The following COL23A1 variants were observed in gnomAD, a reference collection of about 807,000 sequenced individuals.
COL23A1 encodes the protein collagen alpha-1(XXIII) chain.
COL23A1 carries 97 observed loss-of-function variants against 99.3 expected under a neutral mutation model. That is an observed-to-expected ratio of 0.98 (90% CI 0.83 to 1.16). The LOEUF (loss-of-function observed/expected upper bound fraction) is 1.16, where lower values mean the gene tolerates loss of function less well. Among genes scored for constraint, COL23A1 ranks in the 50% most tolerant of loss-of-function variants. The probability of loss-of-function intolerance (pLI) is 0.00; values close to 1 mark genes in which losing one functional copy is unlikely to be tolerated. For synonymous variants in COL23A1, 320 were observed against 308.2 expected (o/e 1.04, Z -0.40); for missense variants, 762 against 757.4 (o/e 1.01, Z -0.07).
At chr5:178,249,961 C>G in intron 18 of COL23A1, 100 bp downstream of exon 18, 3 of 1,437,440 alleles carry the variant, frequency 2.1e-6, no homozygotes, top group Non-Finnish European at 9.7e-7. Flanking sequence ...TGGTGTTTCT[C>G]TAACTCTGTG....
At chr5:178,550,197 G>A (rs901886257) in intron 2 of COL23A1, among the ~76,000 whole-genome samples, 1 of 152,092 alleles carries the variant, frequency 6.6e-6, no homozygotes, top group African/African-American at 2.4e-5. Context: ...CTTAGTTTTT[G>A]CCCAAATATG....
intron 9 of COL23A1, among the ~76,000 whole-genome samples, chr5:178,262,537 G>A (rs943449254): frequency 6.6e-6 from 1 of 152,136 alleles, no homozygotes; most frequent in Non-Finnish European, 1.5e-5. Context: ...GGGGGACCCT[G>A]GTGGCAGTCT....
intron 2 of COL23A1, among the ~76,000 whole-genome samples, chr5:178,331,775 A>C (rs1011684785): frequency 6.6e-6 from 1 of 152,232 alleles, no homozygotes; most frequent in Non-Finnish European, 1.5e-5. Context: ...CCAGTCTCCT[A>C]GCTGGCACAG....
intron 2 of COL23A1, among the ~76,000 whole-genome samples, chr5:178,450,213 C>T (rs532045586): frequency 4.3e-4 from 65 of 152,292 alleles, no homozygotes; most frequent in Non-Finnish European, 5.1e-4. Flanking sequence ...AGTGTCGTTT[C>T]CAGGTGCTAA....
At chr5:178,477,355 C>T (rs934344364) in intron 2 of COL23A1, among the ~76,000 whole-genome samples, 1 of 152,178 alleles carries the variant, frequency 6.6e-6, no homozygotes, top group African/African-American at 2.4e-5. Context: ...GCTTGTCAGG[C>T]ATGGATCTTC....
intron 2 of COL23A1, among the ~76,000 whole-genome samples, chr5:178,488,147 G>C (rs1757735015): frequency 6.6e-6 from 1 of 152,190 alleles, no homozygotes; most frequent in South Asian, 2.1e-4. Context: ...TCATTAGAAG[G>C]GACAAACCTG....
chr5:178,316,843 T>G (rs1759007001), intron 2 of COL23A1, among the ~76,000 whole-genome samples: 1 of 144,364 alleles, frequency 6.9e-6, no homozygotes, highest in African/African-American at 2.8e-5. Context: ...GTCTGTGGAC[T>G]TCTTTGCAAA....
chr5:178,463,478 A>G lies in COL23A1; in HGVS notation c.361+97204T>C, dbSNP rs532332309. Among the ~76,000 whole-genome samples the G allele has an allele frequency of 2.0e-5, 3 of 152,310 alleles. No individual in the cohort carries two copies. In the East Asian group the frequency reaches 5.8e-4, roughly 29 times the overall value. Reference sequence around the variant, plus strand: ...AGGAAAGGGCAGGAAAAGATGCAGGAAAAACCACAATAATCACGATAATAG... The same window carrying G: ...AGGAAAGGGCAGGAAAAGATGCAGGGAAAACCACAATAATCACGATAATAG... On this transcript the variant is annotated intron_variant, in intron 2 of 28. Transcript: ENST00000390654.
chr5:178,451,153 A>G lies in COL23A1; in HGVS notation c.361+109529T>C, dbSNP rs73336693. On this transcript the variant is annotated intron_variant, in intron 2 of 28. Coordinates refer to ENST00000390654, the MANE Select transcript of COL23A1 (RefSeq NM_173465.4). ...AAGAGGGAAAACTTTAAATCTATCG[A>G]ACAATTATTTACATTTTAAGAACTG... Among the ~76,000 whole-genome samples, 695 of 152,340 alleles carry G rather than the reference A, an allele frequency of 4.6e-3. 2 individuals carry two copies. Among genetic ancestry groups the G allele is most frequent in the African/African-American group, 0.015 (643 of 41,582 alleles).
chr5:178,541,445 G>A (rs1025953011), intron 2 of COL23A1, among the ~76,000 whole-genome samples: 24 of 152,156 alleles, frequency 1.6e-4, no homozygotes, highest in Admixed American at 2.6e-4. Flanking sequence ...AAAATTAGCC[G>A]GGTGTGGTGG....
At chr5:178,455,915 G>A (rs754928271) in intron 2 of COL23A1, among the ~76,000 whole-genome samples, 4 of 152,068 alleles carry the variant, frequency 2.6e-5, no homozygotes, top group East Asian at 1.9e-4. Context: ...GGTGTATTTC[G>A]AAGAATAAAC....
At chr5:178,265,700 G>T in intron 8 of COL23A1, 8 of 985,778 alleles carry the variant, frequency 8.1e-6, no homozygotes, top group African/African-American at 1.7e-5. Context: ...TACTTATAAA[G>T]CCCGGATTGA....
chr5:178,251,935 CAG>C (rs1765059681), intron 17 of COL23A1, among the ~76,000 whole-genome samples: 1 of 125,184 alleles, frequency 8.0e-6, no homozygotes, highest in Non-Finnish European at 1.6e-5. Context: ...TATTTTGAGA[CAG>C]AGTTTTGCTC....
chr5:178,441,435 T>C (rs1175112997), intron 2 of COL23A1, among the ~76,000 whole-genome samples: 1 of 152,052 alleles, frequency 6.6e-6, no homozygotes, highest in Admixed American at 6.5e-5. Flanking sequence ...AAAATCAAAG[T>C]GTGGGACCCT....
intron 2 of COL23A1, among the ~76,000 whole-genome samples, chr5:178,534,180 A>G (rs770365901): frequency 2.6e-4 from 40 of 152,202 alleles, no homozygotes; most frequent in Non-Finnish European, 5.0e-4. Context: ...GTCCAAGATC[A>G]AGGTGCCACA....
intron 13 of COL23A1, 45 bp from the exon 14 acceptor site, chr5:178,256,973 G>A (rs773820570): frequency 5.7e-6 from 9 of 1,588,018 alleles, no homozygotes; most frequent in Middle Eastern, 1.7e-4. Flanking sequence ...GAGACGGCAC[G>A]TGGCGGGTGC....
In COL23A1 at chr5:178,267,093, G is replaced by A. The variant is rs562105300; in HGVS notation, c.522+214C>T. Among the ~76,000 whole-genome samples the A allele has an allele frequency of 3.9e-5, 6 of 152,320 alleles. No individual in the cohort carries two copies. The South Asian group carries it at 6.2e-4, about 16-fold the overall frequency. The stretch of plus-strand genomic sequence containing the variant: ...CAGTGGTAAGCATGGAGACCTGGCC[G>A]TCTTCCAGAGACACTCCACCTGCGC... On this transcript the variant is annotated intron_variant, in intron 8 of 28. Coordinates refer to ENST00000390654, the MANE Select transcript of COL23A1 (RefSeq NM_173465.4).
chr5:178,529,631 ACGGTCCCTCTGTGCC>A (rs1197389281), intron 2 of COL23A1, among the ~76,000 whole-genome samples: 2 of 152,158 alleles, frequency 1.3e-5, no homozygotes, highest in East Asian at 1.9e-4. Flanking sequence ...AGAGGGACAG[ACGGTCCCTCTGTGCC>A]AAGCCCAGAG....
chr5:178,286,299 G>A (rs192158428), intron 5 of COL23A1, among the ~76,000 whole-genome samples: 1,580 of 152,240 alleles, frequency 0.01, 26 homozygotes, highest in African/African-American at 0.036. Context: ...GAAGTGGGGG[G>A]GCTTGCTGGA....
Sources: allele counts gnomAD v4.1 joint callset (sites outside exome capture counted in the v4.1 genomes callset), GRCh38; gene constraint gnomAD v4.1.1; transcripts MANE v1.5; gene names NCBI Gene and HGNC (gene_info 2026-07-23, HGNC 2026-07-21).